CSMD1: variants seen among roughly 807,000 people sequenced by gnomAD.
CSMD1 encodes the protein CUB and Sushi multiple domains 1.
CSMD1 carries 213 observed loss-of-function variants against 417.5 expected under a neutral mutation model. The ratio of observed to expected loss-of-function variants is 0.51; its 90% CI spans 0.46 to 0.57. The LOEUF (loss-of-function observed/expected upper bound fraction) is 0.57, where lower values mean the gene tolerates loss of function less well. Among genes scored for constraint, CSMD1 ranks in the 20% least tolerant of loss-of-function variants. The probability of loss-of-function intolerance (pLI) is 0.00; values close to 1 mark genes in which losing one functional copy is unlikely to be tolerated. For missense variants in CSMD1, 6,923 were observed against 4,529.7 expected, an observed-to-expected ratio of 1.53 and a Z score of -15.17; for synonymous variants, 2,862 against 1,736.8, an observed-to-expected ratio of 1.65 and a Z score of -16.11.
Position 4,467,723 on chromosome 8 carries a change from A to G in CSMD1, c.303-47658T>C, listed in dbSNP as rs905980935. On this transcript the variant is annotated intron_variant, in intron 2 of 69. Transcript: ENST00000635120. ...CTATTATCTTTTTAAAAAAATCTCA[A>G]GCCCAATGGTAAAGCTAAAGCTAAC... Among the ~76,000 whole-genome samples the G allele has an allele frequency of 2.0e-5, 3 of 152,342 alleles. No homozygotes were observed. In the East Asian group the frequency reaches 5.8e-4, roughly 29 times the overall value.
intron 4 of CSMD1, among the ~76,000 whole-genome samples, chr8:4,001,243 C>T (rs2130364085): frequency 6.6e-6 from 1 of 152,248 alleles, no homozygotes; most frequent in South Asian, 2.1e-4. Context: ...TCTCAGTAAC[C>T]TTGACCAGAA....
intron 26 of CSMD1, among the ~76,000 whole-genome samples, chr8:3,282,267 T>C (rs1467695039): frequency 6.6e-6 from 1 of 152,136 alleles, no homozygotes; most frequent in Non-Finnish European, 1.5e-5. Flanking sequence ...TGGACCACTC[T>C]GTGGGGATGT....
At chr8:4,048,088 A>C (rs1798241496) in intron 3 of CSMD1, among the ~76,000 whole-genome samples, 1 of 152,168 alleles carries the variant, frequency 6.6e-6, no homozygotes, top group African/African-American at 2.4e-5. Flanking sequence ...CCTAATTGAT[A>C]AGTATCTCAG....
intron 26 of CSMD1, among the ~76,000 whole-genome samples, 185 bp downstream of exon 26, chr8:3,283,959 C>T (rs1355082654): frequency 1.3e-5 from 2 of 152,388 alleles, no homozygotes; most frequent in East Asian, 3.9e-4. Context: ...ATCGTGGCCT[C>T]AGCCATGAAC....
chr8:4,451,069 T>G (rs1563188650), intron 2 of CSMD1, among the ~76,000 whole-genome samples: 1 of 152,096 alleles, frequency 6.6e-6, no homozygotes, highest in Non-Finnish European at 1.5e-5. Context: ...ATTCAATAAG[T>G]CAGTCAAGCA....
At chr8:3,371,298 G>C (rs984860616) in intron 18 of CSMD1, among the ~76,000 whole-genome samples, 3 of 152,138 alleles carry the variant, frequency 2.0e-5, no homozygotes, top group African/African-American at 7.2e-5. Flanking sequence ...CACGTGCAAA[G>C]TTCTCTACCG....
At chr8:4,088,651 T>A (rs10091196) in intron 3 of CSMD1, among the ~76,000 whole-genome samples, 1 of 152,132 alleles carries the variant, frequency 6.6e-6, no homozygotes, top group Non-Finnish European at 1.5e-5. Flanking sequence ...CCCAAAGTCA[T>A]TGTCTTCATG....
chr8:3,896,289 C>T (rs1023477497), intron 5 of CSMD1, among the ~76,000 whole-genome samples: 1 of 152,118 alleles, frequency 6.6e-6, no homozygotes, highest in South Asian at 2.1e-4. Flanking sequence ...TGAGTGACAT[C>T]GCCTTGGGAA....
chr8:3,590,394 C>T (rs1800795979), intron 8 of CSMD1, among the ~76,000 whole-genome samples: 1 of 152,144 alleles, frequency 6.6e-6, no homozygotes, highest in Admixed American at 6.5e-5. Context: ...GTCATGTGCA[C>T]TCTCCAGGAC....
chr8:3,543,685 G>C (rs1798538603), intron 10 of CSMD1, among the ~76,000 whole-genome samples: 1 of 152,080 alleles, frequency 6.6e-6, no homozygotes, highest in African/African-American at 2.4e-5. Context: ...GAGTGTGAGA[G>C]GAACAGGTTT....
chr8:3,406,591 G>C (rs1812356606), intron 14 of CSMD1, among the ~76,000 whole-genome samples: 1 of 152,116 alleles, frequency 6.6e-6, no homozygotes, highest in Non-Finnish European at 1.5e-5. Context: ...AGAGGACTCT[G>C]ACATTGGGCA....
At chr8:4,739,112 A>G (rs1162985147) in intron 1 of CSMD1, among the ~76,000 whole-genome samples, 2 of 152,264 alleles carry the variant, frequency 1.3e-5, no homozygotes, top group African/African-American at 4.8e-5. Context: ...ACACGTGCAC[A>G]CACACATACA....
At chr8:4,424,529 A>T (rs545874189) in intron 2 of CSMD1, among the ~76,000 whole-genome samples, 8 of 152,218 alleles carry the variant, frequency 5.3e-5, no homozygotes, top group Admixed American at 1.3e-4. Context: ...TAGCTGAAAT[A>T]AAAATAAATA....
chr8:4,679,916 T>C (rs1805930346), intron 1 of CSMD1, among the ~76,000 whole-genome samples: 1 of 152,216 alleles, frequency 6.6e-6, no homozygotes, highest in Non-Finnish European at 1.5e-5. Context: ...TAGATTGCTG[T>C]TTCCCAAATT....
intron 34 of CSMD1, among the ~76,000 whole-genome samples, chr8:3,189,527 T>C (rs1283449097): frequency 6.6e-6 from 1 of 152,212 alleles, no homozygotes; most frequent in Non-Finnish European, 1.5e-5. Flanking sequence ...TTATTCAGCC[T>C]GCATTTACCT....
At chr8:4,901,136 T>C (rs998962677) in intron 1 of CSMD1, among the ~76,000 whole-genome samples, 1 of 152,226 alleles carries the variant, frequency 6.6e-6, no homozygotes, top group African/African-American at 2.4e-5. Flanking sequence ...CAATTGCATG[T>C]TCAAAGTGTC....
chr8:4,779,718 A>G (rs1797052614), intron 1 of CSMD1, among the ~76,000 whole-genome samples: 1 of 152,090 alleles, frequency 6.6e-6, no homozygotes, highest in Non-Finnish European at 1.5e-5. Flanking sequence ...AATGTATAAA[A>G]CCAAAGGAAA....
At chr8:2,948,552 A>G (rs1343089151) in intron 68 of CSMD1, among the ~76,000 whole-genome samples, 1 of 152,182 alleles carries the variant, frequency 6.6e-6, no homozygotes, top group Non-Finnish European at 1.5e-5. Context: ...CTTTAAATAA[A>G]TATACTGAAT....
intron 5 of CSMD1, among the ~76,000 whole-genome samples, chr8:3,910,440 C>G (rs754104980): frequency 2.0e-5 from 3 of 152,098 alleles, no homozygotes; most frequent in Admixed American, 6.5e-5. Flanking sequence ...CATAAAATCA[C>G]GAAATTTAAG....
Sources: gnomAD v4.1 joint callset for allele counts (sites outside exome capture counted in the v4.1 genomes callset) on GRCh38, gnomAD v4.1.1 for gene constraint, MANE v1.5 for transcripts, NCBI Gene and HGNC (gene_info 2026-07-23, HGNC 2026-07-21) for gene names.